Variants in BRD10 observed in about 807,000 individuals in gnomAD.
The protein encoded by BRD10 is uncharacterized bromodomain-containing protein 10.
the BRD10 span, among the ~76,000 whole-genome samples, chr9:5,981,139 G>C: frequency 1.3e-5 from 2 of 152,156 alleles, no homozygotes; most frequent in Non-Finnish European, 2.9e-5. Context: ...TGTATCAATA[G>C]GCAACCTCAC....
chr9:6,002,742 T>C, the BRD10 span, among the ~76,000 whole-genome samples: 1 of 151,374 alleles, frequency 6.6e-6, no homozygotes, highest in Non-Finnish European at 1.5e-5. Flanking sequence ...AGCAGCACCA[T>C]CTCGGCTCAC....
the BRD10 span, among the ~76,000 whole-genome samples, chr9:5,885,287 G>C: frequency 6.6e-6 from 1 of 152,190 alleles, no homozygotes; most frequent in Admixed American, 6.6e-5. Context: ...CCTCCGAACT[G>C]TTTGTACATT....
At chr9:5,879,476 G>A in the BRD10 span, among the ~76,000 whole-genome samples, 1 of 152,146 alleles carries the variant, frequency 6.6e-6, no homozygotes, top group African/African-American at 2.4e-5. Flanking sequence ...TTGTCCCCTT[G>A]AGACCCTGCC....
At chr9:5,998,629 TG>T in the BRD10 span, among the ~76,000 whole-genome samples, 23 of 152,052 alleles carry the variant, frequency 1.5e-4, no homozygotes, top group Non-Finnish European at 2.9e-4. Context: ...TTTTTTTGGG[TG>T]TAAGTAAATA....
At chr9:5,966,287 C>T in the BRD10 span, among the ~76,000 whole-genome samples, 2 of 152,034 alleles carry the variant, frequency 1.3e-5, no homozygotes, top group African/African-American at 2.4e-5. Context: ...TGATCTACAG[C>T]AGTGTCTATT....
the BRD10 span, chr9:6,008,363 AG>A: frequency 4.1e-6 from 4 of 972,088 alleles, no homozygotes; most frequent in Non-Finnish European, 4.9e-6. Context: ...CTGGGCGGTG[AG>A]GGGGGAGAAA....
chr9:5,955,079 ACT>A, the BRD10 span, among the ~76,000 whole-genome samples: 31 of 151,890 alleles, frequency 2.0e-4, no homozygotes, highest in Non-Finnish European at 3.8e-4. Context: ...CAATAGTGAA[ACT>A]CTGTCTCAAA....
chr9:5,896,819 T>C, the BRD10 span, among the ~76,000 whole-genome samples: 2 of 152,258 alleles, frequency 1.3e-5, no homozygotes, highest in African/African-American at 2.4e-5. Context: ...GACCCCCAGA[T>C]TGGCACCCTG....
chr9:5,924,232 T>G, the BRD10 span, among the ~76,000 whole-genome samples: 2 of 152,100 alleles, frequency 1.3e-5, no homozygotes, highest in Non-Finnish European at 2.9e-5. Flanking sequence ...GCCTACAGTT[T>G]GCAGTCAATT....
At chr9:5,881,178 G>A in the BRD10 span, among the ~76,000 whole-genome samples, 1 of 152,138 alleles carries the variant, frequency 6.6e-6, no homozygotes, top group African/African-American at 2.4e-5. Flanking sequence ...GGCTACTTCC[G>A]GGTATTTTTG....
chr9:5,973,025 CCA>C, the BRD10 span, among the ~76,000 whole-genome samples: 1 of 152,040 alleles, frequency 6.6e-6, no homozygotes, highest in African/African-American at 2.4e-5. Flanking sequence ...GAATGTGCTT[CCA>C]GTGGAAGAAC....
chr9:6,007,110 G>A, the BRD10 span: 2 of 1,385,540 alleles, frequency 1.4e-6, no homozygotes, highest in Non-Finnish European at 1.0e-6. Context: ...CCGCCCCCAG[G>A]CCCCTGGCCC....
chr9:5,921,990 C>G, the BRD10 span: 3 of 1,613,930 alleles, frequency 1.9e-6, no homozygotes, highest in African/African-American at 2.7e-5. Flanking sequence ...GTTCCAGCTA[C>G]AGGTGAAAAA....
At chr9:5,933,084 G>A in the BRD10 span, among the ~76,000 whole-genome samples, 1 of 152,068 alleles carries the variant, frequency 6.6e-6, no homozygotes, top group Admixed American at 6.6e-5. Flanking sequence ...GATAAAAATG[G>A]CAGATAGATA....
At chr9:5,928,941 T>A in the BRD10 span, 1 of 600,630 alleles carries the variant, frequency 1.7e-6, no homozygotes, top group Non-Finnish European at 2.9e-6. Flanking sequence ...ATCTGCCGAA[T>A]TACAAATGAC....
chr9:5,962,184 G>C, the BRD10 span, among the ~76,000 whole-genome samples: 1 of 151,722 alleles, frequency 6.6e-6, no homozygotes, highest in Non-Finnish European at 1.5e-5. Flanking sequence ...GAAAAAACGA[G>C]AGAAGAATCA....
At chr9:5,967,236 G>A in the BRD10 span, among the ~76,000 whole-genome samples, 1 of 151,870 alleles carries the variant, frequency 6.6e-6, no homozygotes. Flanking sequence ...GGTTAATAAA[G>A]CTGATCATCT....
chr9:5,998,229 G>A, the BRD10 span, among the ~76,000 whole-genome samples: 1 of 152,090 alleles, frequency 6.6e-6, no homozygotes, highest in Non-Finnish European at 1.5e-5. Context: ...GAGACCTGGA[G>A]ACTGGTGAAA....
chr9:5,944,855 T>C, the BRD10 span: 2 of 1,369,862 alleles, frequency 1.5e-6, no homozygotes, highest in Non-Finnish European at 2.0e-6. Flanking sequence ...GATAGAACTT[T>C]TGGATCAACA....
Sources: allele counts gnomAD v4.1 joint callset (sites outside exome capture counted in the v4.1 genomes callset), GRCh38; gene constraint gnomAD v4.1.1; transcripts MANE v1.5; gene names NCBI Gene and HGNC (gene_info 2026-07-23, HGNC 2026-07-21).